The following FNDC3B variants were observed in gnomAD, a reference collection of about 807,000 sequenced individuals.
The protein encoded by FNDC3B is fibronectin type III domain containing 3B.
Under a neutral mutation model 151.5 loss-of-function variants are expected in FNDC3B, and 12 were observed. The ratio of observed to expected loss-of-function variants is 0.08; its 90% confidence interval spans 0.05 to 0.13. The LOEUF (loss-of-function observed/expected upper bound fraction) is 0.13, where lower values mean the gene tolerates loss of function less well. FNDC3B is among the 10% of genes least tolerant of loss of function. FNDC3B has a pLI of 1.00. For missense variants in FNDC3B, 1,214 were observed against 1,505.3 expected (o/e 0.81, Z 3.20); for synonymous variants, 528 against 549.0 (o/e 0.96, Z 0.54).
In FNDC3B at chr3:172,398,959, A is replaced by G. The variant is rs945328561; in HGVS notation, c.*1484A>G. 1.3e-5 allele frequency: 2 copies of G among 152,600 alleles called. No individual in the cohort carries two copies. Among genetic ancestry groups the G allele is most frequent in the Non-Finnish European group, 2.9e-5 (2 of 68,038 alleles). The allele number at this position is 152,600 out of a possible 1,614,324, so 9.5% of individuals were successfully genotyped here. On this transcript the variant is annotated 3_prime_UTR_variant, in exon 26 of 26. Coordinates refer to ENST00000415807, the MANE Select transcript of FNDC3B (RefSeq NM_022763.4). ...ACATTTAAGAGTTGGAGGTGCAAAT[A>G]TATTCCAAAAGGGTGCAACAGACAC... is the stretch of plus-strand genomic sequence containing the variant.
intron 3 of FNDC3B, among the ~76,000 whole-genome samples, chr3:172,180,956 G>A (rs1723859175): frequency 6.6e-6 from 1 of 151,900 alleles, no homozygotes; most frequent in South Asian, 2.1e-4. Flanking sequence ...TATAATGGGG[G>A]GAGACATTAT....
intron 3 of FNDC3B, among the ~76,000 whole-genome samples, chr3:172,142,272 G>A (rs1417984473): frequency 3.3e-5 from 5 of 152,308 alleles, no homozygotes; most frequent in South Asian, 2.1e-4. Flanking sequence ...AAGCCTATGC[G>A]AACTGGAGTT....
chr3:172,059,628 G>T (rs897759162), intron 1 of FNDC3B, among the ~76,000 whole-genome samples: 1 of 151,972 alleles, frequency 6.6e-6, no homozygotes, highest in Non-Finnish European at 1.5e-5. Context: ...ACTTAAATTT[G>T]GCAAGAAATC....
chr3:172,049,289 A>G (rs1244729095), intron 1 of FNDC3B, among the ~76,000 whole-genome samples: 3 of 152,164 alleles, frequency 2.0e-5, no homozygotes, highest in African/African-American at 7.2e-5. Context: ...TTTGGAGATC[A>G]GAGAGTTTCC....
chr3:172,327,250 T>A (rs1480233716), intron 11 of FNDC3B, among the ~76,000 whole-genome samples: 1 of 152,176 alleles, frequency 6.6e-6, no homozygotes, highest in African/African-American at 2.4e-5. Flanking sequence ...TGCATCTGAA[T>A]GCACCTTGAA....
At chr3:172,397,034 A>G in intron 25 of FNDC3B, 130 bp from the exon 26 acceptor site, 1 of 677,892 alleles carries the variant, frequency 1.5e-6, no homozygotes, top group Non-Finnish European at 2.5e-6. Flanking sequence ...GTACATTTTT[A>G]TATCATCTTT....
At chr3:172,233,896 G>A (rs769159767) in intron 4 of FNDC3B, among the ~76,000 whole-genome samples, 4 of 152,182 alleles carry the variant, frequency 2.6e-5, no homozygotes, top group African/African-American at 4.8e-5. Context: ...TGTGTTCCAT[G>A]GAAAACAGCA....
At chr3:172,129,859 T>C (rs986571240) in intron 2 of FNDC3B, among the ~76,000 whole-genome samples, 13 of 152,326 alleles carry the variant, frequency 8.5e-5, no homozygotes, top group African/African-American at 3.1e-4. Context: ...AGTTTAATGC[T>C]GACTTTGGAA....
chr3:172,287,398 A>C (rs1730079352), intron 7 of FNDC3B, among the ~76,000 whole-genome samples: 1 of 152,228 alleles, frequency 6.6e-6, no homozygotes, highest in Non-Finnish European at 1.5e-5. Flanking sequence ...AGGAGGAACA[A>C]GATACAAGAC....
intron 1 of FNDC3B, among the ~76,000 whole-genome samples, chr3:172,063,562 G>A (rs896271986): frequency 6.6e-6 from 1 of 152,186 alleles, no homozygotes; most frequent in Non-Finnish European, 1.5e-5. Context: ...TGAATTGTCT[G>A]TGACTGTCTG....
chr3:172,166,070 A>G (rs1441041645), intron 3 of FNDC3B, among the ~76,000 whole-genome samples: 1 of 152,156 alleles, frequency 6.6e-6, no homozygotes, highest in Non-Finnish European at 1.5e-5. Flanking sequence ...TATATTGACA[A>G]TTTAGGAAAC....
chr3:172,064,956 C>T (rs1415630558), intron 1 of FNDC3B, among the ~76,000 whole-genome samples: 1 of 152,164 alleles, frequency 6.6e-6, no homozygotes, highest in Non-Finnish European at 1.5e-5. Context: ...CCTGAGTTCA[C>T]CTCTGTTGCC....
rs370283386 is a variant in FNDC3B at position 172,247,796 on chromosome 3, C to T, written c.508+20C>T. ...AGCAAGGTGAGTAGATTTTCGTTGG[C>T]GTCAGGAGCCGTTGAAACTGATTAC... is the stretch of plus-strand genomic sequence containing the variant. On this transcript the variant is annotated intron_variant, in intron 5 of 25. Coordinates refer to ENST00000415807, the MANE Select transcript of FNDC3B (RefSeq NM_022763.4). 3 of 1,613,388 alleles carry T rather than the reference C, an allele frequency of 1.9e-6. No individual in the cohort carries two copies. The highest frequency in any genetic ancestry group is 2.2e-5 in the East Asian group (1 of 44,870).
At chr3:172,108,292 C>T (rs568605748) in intron 1 of FNDC3B, among the ~76,000 whole-genome samples, 1 of 152,256 alleles carries the variant, frequency 6.6e-6, no homozygotes, top group East Asian at 1.9e-4. Flanking sequence ...ATAAACTGTC[C>T]TGAAATCCCT....
At chr3:172,329,571 G>A (rs1434266438) in intron 12 of FNDC3B, 1 of 152,672 alleles carries the variant, frequency 6.5e-6, no homozygotes, top group African/African-American at 2.4e-5. Flanking sequence ...TATGAGAAAG[G>A]CGAGAACGGG....
rs182491805 is a variant in FNDC3B at position 172,269,836 on chromosome 3, A to G, written c.791-16090A>G. On this transcript the variant is annotated intron_variant, in intron 6 of 25. Transcript: ENST00000415807. ...ATTTTTTTTGATATTTTTAGTAGAG[A>G]CAGGGTTTCACAGTGTTAGCCAGGA... 1.1e-4 allele frequency among the ~76,000 whole-genome samples: 17 copies of G among 152,070 alleles called. 1 individual carries two copies. The highest frequency in any genetic ancestry group is 4.1e-4 in the African/African-American group (17 of 41,482).
intron 1 of FNDC3B, among the ~76,000 whole-genome samples, chr3:172,058,268 T>A (rs939973516): frequency 6.7e-6 from 1 of 149,956 alleles, no homozygotes; most frequent in African/African-American, 2.5e-5. Flanking sequence ...GTATATTCAT[T>A]AGGGTAATCA....
intron 3 of FNDC3B, among the ~76,000 whole-genome samples, chr3:172,196,316 G>A (rs2108681238): frequency 6.6e-6 from 1 of 151,890 alleles, no homozygotes; most frequent in African/African-American, 2.4e-5. Flanking sequence ...AGCCTCCCAA[G>A]TACCTGAGAC....
intron 2 of FNDC3B, among the ~76,000 whole-genome samples, chr3:172,126,297 A>G (rs1470710687): frequency 6.6e-6 from 1 of 151,930 alleles, no homozygotes; most frequent in Admixed American, 6.6e-5. Flanking sequence ...TCTTTGTCAC[A>G]TTTTTCCTTT....
Sources: gnomAD v4.1 joint callset for allele counts (sites outside exome capture counted in the v4.1 genomes callset) on GRCh38, gnomAD v4.1.1 for gene constraint, MANE v1.5 for transcripts, NCBI Gene and HGNC (gene_info 2026-07-23, HGNC 2026-07-21) for gene names.